Variants in KIF1C observed in about 807,000 individuals in gnomAD.
KIF1C encodes the protein kinesin family member 1C.
In KIF1C, 61 loss-of-function variants were observed where a neutral mutation model predicts 126.5. The ratio of observed to expected loss-of-function variants is 0.48; its 90% CI spans 0.39 to 0.60. The LOEUF (loss-of-function observed/expected upper bound fraction) is 0.60. Ranked by LOEUF, KIF1C falls within the 20% of genes least tolerant of loss-of-function variation. The pLI, the probability that KIF1C is intolerant of heterozygous loss-of-function variation, is 0.00. For synonymous variants in KIF1C, 640 were observed against 580.6 expected (o/e 1.10, Z -1.47); for missense variants, 1,315 against 1,489.2 (o/e 0.88, Z 1.93).
chr17:5,023,446 T>G lies in KIF1C; in HGVS notation c.2629-22T>G. 1 of 1,606,134 alleles carries G rather than the reference T, an allele frequency of 6.2e-7. No homozygotes were observed. On this transcript the variant is annotated intron_variant, in intron 22 of 22. Coordinates refer to ENST00000320785, the MANE Select transcript of KIF1C (RefSeq NM_006612.6). The surrounding 1 kb of genome is among the most constrained non-coding windows in gnomAD (Gnocchi z 4.2). ...TCAGCTCTCCTCACATCCCTTCTCC[T>G]TTTCTCACTCCTCCCTCCCAGGATC...
intron 17 of KIF1C, 106 bp downstream of exon 17, chr17:5,013,838 C>G (rs1412394872): frequency 4.3e-5 from 34 of 792,674 alleles, no homozygotes; most frequent in Non-Finnish European, 6.8e-5. Flanking sequence ...CTGGAGATAC[C>G]TCAGATCTCT....
Position 5,020,678 on chromosome 17 carries a change from G to A in KIF1C, c.1937G>A (p.Arg646Lys), listed in dbSNP as rs1394085981. The change falls in exon 20 of 23, where the codon AGG (arginine) becomes AAG (lysine). Residue 646 changes from arginine (R) to lysine (K), a missense_variant and splice_region_variant. Physicochemically the swap from Arg to Lys is conservative, Grantham distance 26. Around this residue, in one of 2 missense-constraint regions of KIF1C, gnomAD observed 874 missense variants for 1,053.2 expected, o/e 0.83. Transcript: ENST00000320785. The surrounding 1 kb of genome is among the most constrained non-coding windows in gnomAD (Gnocchi z 5.8). ...GIDIKLEMEK[R>K]LQDLENQYRK... ...GACATAAAGCTGGAAATGGAGAAGA[G>A]GTGCGAGGGGGTTACCCACGTGCCC... 1.2e-5 allele frequency: 19 copies of A among 1,613,136 alleles called. No homozygotes were observed. Among genetic ancestry groups the A allele is most frequent in the Non-Finnish European group, 1.5e-5 (18 of 1,179,300 alleles).
At position 5,024,104 on chromosome 17, in the gene KIF1C, C is replaced by T. The variant is rs780451511; in HGVS notation, c.3265C>T (p.Arg1089Trp). ...PPYTTPPRMR[R>W]QRSAPDLKES... is the part of the protein sequence containing the mutation. The stretch of plus-strand genomic sequence containing the variant: ...ATACACTACTCCCCCACGAATGAGA[C>T]GGCAGCGTTCTGCCCCTGACCTCAA... Residue 1089 changes from arginine (R) to tryptophan (W), a missense_variant, in exon 23 of 23, where the codon CGG becomes TGG. Transcript: ENST00000320785. 1.7e-5 allele frequency: 27 copies of T among 1,610,496 alleles called. No homozygotes were observed. Among genetic ancestry groups the T allele is most frequent in the South Asian group, 1.2e-4 (11 of 90,744 alleles).
chr17:4,999,557 C>T (rs538061131), intron 1 of KIF1C, among the ~76,000 whole-genome samples: 19 of 152,092 alleles, frequency 1.2e-4, no homozygotes, highest in Non-Finnish European at 2.1e-4. Flanking sequence ...TCCTCTCTCT[C>T]TTCCCACCCC....
intron 2 of KIF1C, 82 bp from the exon 3 acceptor site, chr17:5,000,138 C>A: frequency 1.3e-6 from 1 of 749,842 alleles, no homozygotes; most frequent in Non-Finnish European, 2.3e-6. Flanking sequence ...TGTGAAGAGA[C>A]TGGTTCCGGG....
intron 16 of KIF1C, among the ~76,000 whole-genome samples, chr17:5,008,515 A>G (rs1474983722): frequency 6.6e-6 from 1 of 152,244 alleles, no homozygotes; most frequent in Non-Finnish European, 1.5e-5. Context: ...TGAGCCAGAC[A>G]GTGTCACTGG....
At position 5,020,753 on chromosome 17, in the gene KIF1C, C is replaced by G. The variant is rs1356232910; in HGVS notation, c.1938-53C>G. On this transcript the variant is annotated intron_variant, in intron 20 of 22. Coordinates refer to ENST00000320785, the MANE Select transcript of KIF1C (RefSeq NM_006612.6). The surrounding 1 kb of genome is among the most constrained non-coding windows in gnomAD (Gnocchi z 5.8). ...CGGGCCTCTGGGCCCGTGTCCTCCT[C>G]TTGTCAGATACTCACCAAGGTTGCT... is the stretch of plus-strand genomic sequence containing the variant. The G allele has an allele frequency of 6.2e-7, 1 of 1,603,622 alleles. No individual in the cohort carries two copies. Among genetic ancestry groups the G allele is most frequent in the Non-Finnish European group, 8.5e-7 (1 of 1,174,690 alleles).
In KIF1C at chr17:5,003,848, C is replaced by T. The variant is rs1320314744; in HGVS notation, c.799-3C>T. ...CATCCCCACATTCCTCATCCTTTTC[C>T]AGGAAGGAGCCAACATCAATAAGTC... On this transcript the variant is annotated splice_region_variant and splice_polypyrimidine_tract_variant and intron_variant, in intron 9 of 22. Transcript: ENST00000320785. The T allele has an allele frequency of 3.1e-6, 5 of 1,613,358 alleles. No homozygotes were observed. The highest frequency in any genetic ancestry group is 3.4e-6 in the Non-Finnish European group (4 of 1,179,310).
intron 5 of KIF1C, 62 bp from the exon 6 acceptor site, chr17:5,001,997 C>A: frequency 2.0e-6 from 3 of 1,489,944 alleles, no homozygotes; most frequent in African/African-American, 1.4e-5. Flanking sequence ...TGGCCTGTGG[C>A]TGGACACTTT....
chr17:5,016,004 G>A (rs1324388327), intron 18 of KIF1C, among the ~76,000 whole-genome samples: 1 of 152,044 alleles, frequency 6.6e-6, no homozygotes, highest in Non-Finnish European at 1.5e-5. Flanking sequence ...AATGAGTTGG[G>A]CAGGGAGGAA....
chr17:5,004,598 C>A lies in KIF1C; in HGVS notation c.972C>A (p.Ala324=). The A allele has an allele frequency of 6.2e-7, 1 of 1,614,178 alleles. No homozygotes were observed. ...ACTCACGCACAGCCATGATTGCAGC[C>A]CTGAGCCCTGCTGACATCAATTACG... is the stretch of plus-strand genomic sequence containing the variant. The part of the protein sequence containing the change: ...GGNSRTAMIA[A]LSPADINYEE... The change falls in exon 12 of 23, where the codon GCC becomes GCA. Residue 324 remains alanine, a synonymous_variant. Coordinates refer to ENST00000320785, the MANE Select transcript of KIF1C (RefSeq NM_006612.6).
Position 5,021,404 on chromosome 17 carries a change from G to C in KIF1C, c.2010+526G>C, listed in dbSNP as rs1975089158. Among the ~76,000 whole-genome samples, 9 of 151,482 alleles carry C rather than the reference G, an allele frequency of 5.9e-5. No individual in the cohort carries two copies. In the South Asian group the frequency reaches 1.9e-3, roughly 32 times the overall value. On this transcript the variant is annotated intron_variant, in intron 21 of 22. Coordinates refer to ENST00000320785, the MANE Select transcript of KIF1C (RefSeq NM_006612.6). ...TTGGCCAGGCTGGTCTCGAACTCCT[G>C]ACCTCAGGTGATCCGCCTGCCTCAG...
chr17:5,004,593 G>A lies in KIF1C; in HGVS notation c.967G>A (p.Ala323Thr), dbSNP rs769968364. ...LGGNSRTAMI[A>T]ALSPADINYE... ...GGGGAACTCACGCACAGCCATGATT[G>A]CAGCCCTGAGCCCTGCTGACATCAA... The change falls in exon 12 of 23, where the codon GCA becomes ACA. Residue 323 changes from alanine (A) to threonine (T), a missense_variant. Ala to Thr is a moderately conservative substitution (Grantham distance 58). Coordinates refer to ENST00000320785, the MANE Select transcript of KIF1C (RefSeq NM_006612.6). 6.2e-7 allele frequency: 1 copy of A among 1,614,150 alleles called. No individual in the cohort carries two copies. Among genetic ancestry groups the A allele is most frequent in the South Asian group, 1.1e-5 (1 of 91,078 alleles).
At chr17:5,000,664 A>G in intron 3 of KIF1C, 108 bp from the exon 4 acceptor site, 1 of 962,016 alleles carries the variant, frequency 1.0e-6, no homozygotes, top group Non-Finnish European at 1.7e-6. Context: ...GAGTCAGGAC[A>G]GTGGTGAGGA....
chr17:5,004,570 G>T lies in KIF1C; in HGVS notation c.944G>T (p.Gly315Val). 1 of 1,614,044 alleles carries T rather than the reference G, an allele frequency of 6.2e-7. No individual in the cohort carries two copies. Among genetic ancestry groups the T allele is most frequent in the Non-Finnish European group, 8.5e-7 (1 of 1,179,968 alleles). The change falls in exon 12 of 23, where the codon GGG becomes GTG. Residue 315 changes from glycine to valine, a missense_variant. Coordinates refer to ENST00000320785, the MANE Select transcript of KIF1C (RefSeq NM_006612.6). ...TTTCCATGCACTCCATTCACAGGGG[G>T]GAACTCACGCACAGCCATGATTGCA... is the stretch of plus-strand genomic sequence containing the variant. Reference protein sequence around the residue: ...LTWLLKENLGGNSRTAMIAAL... With the variant: ...LTWLLKENLGVNSRTAMIAAL...
At chr17:5,012,958 G>A (rs1046788567) in intron 16 of KIF1C, among the ~76,000 whole-genome samples, 1 of 152,170 alleles carries the variant, frequency 6.6e-6, no homozygotes, top group African/African-American at 2.4e-5. Flanking sequence ...TTGGCTGGGG[G>A]CCTTAGGCAG....
At chr17:5,000,588 G>A (rs531966648) in intron 3 of KIF1C, among the ~76,000 whole-genome samples, 184 bp from the exon 4 acceptor site, 1 of 152,054 alleles carries the variant, frequency 6.6e-6, no homozygotes, top group Non-Finnish European at 1.5e-5. Flanking sequence ...CAGTGGGGGC[G>A]GGTCCTAGGA....
intron 10 of KIF1C, 31 bp from the exon 11 acceptor site, chr17:5,003,967 C>A (rs1227456912): frequency 1.2e-6 from 2 of 1,611,326 alleles, no homozygotes; most frequent in East Asian, 4.5e-5. Context: ...GAGTGACCCA[C>A]CCTAACCTCC....
Position 5,007,510 on chromosome 17 carries a change from G to A in KIF1C, c.1459G>A (p.Gly487Arg). ...GATGGGGGTGGCCGTCCGGGAGGAT[G>A]GGGGAACTGTGGGCGTCTTCTCTCC... ...AEMGVAVRED[G>R]GTVGVFSPKK... Residue 487 changes from glycine to arginine, a missense_variant, in exon 16 of 23, where the codon GGG becomes AGG. Physicochemically the swap from Gly to Arg is moderately radical, Grantham distance 125. Around this residue, in one of 2 missense-constraint regions of KIF1C, gnomAD observed 874 missense variants for 1,053.2 expected, o/e 0.83. Transcript: ENST00000320785. 1 of 1,569,048 alleles carries A rather than the reference G, an allele frequency of 6.4e-7. No homozygotes were observed. Among genetic ancestry groups the A allele is most frequent in the South Asian group, 1.2e-5 (1 of 83,942 alleles).
Sources: gnomAD v4.1 joint callset for allele counts (sites outside exome capture counted in the v4.1 genomes callset) on GRCh38, gnomAD v4.1.1 for gene constraint, gnomAD v4.1.1 regional missense constraint, Gnocchi (gnomAD v3.1) non-coding constraint, MANE v1.5 for transcripts, NCBI Gene and HGNC (gene_info 2026-07-23, HGNC 2026-07-21) for gene names.